Variants in ARFIP1 observed in about 807,000 individuals in gnomAD.
ARFIP1 encodes ARF interacting protein 1.
ARFIP1 carries 24 observed loss-of-function variants against 42.5 expected under a neutral mutation model. The ratio of observed to expected loss-of-function variants is 0.57; its 90% CI spans 0.41 to 0.80. The LOEUF is 0.80. ARFIP1 is among the 30% of genes least tolerant of loss of function. The probability of loss-of-function intolerance (pLI) is 0.00; values close to 1 mark genes in which losing one functional copy is unlikely to be tolerated. For synonymous variants in ARFIP1, 141 were observed against 153.7 expected (o/e 0.92, Z 0.61); for missense variants, 354 against 434.0 (o/e 0.82, Z 1.64).
rs1286519480 is a variant in ARFIP1 at position 152,813,636 on chromosome 4, A to G, written c.-9-15989A>G. Reference sequence around the variant, plus strand: ...CCTGAAATTTTGTAGTCCACTTACAAGTAATAATGCACTGCTTCACTTGAA... The same window carrying G: ...CCTGAAATTTTGTAGTCCACTTACAGGTAATAATGCACTGCTTCACTTGAA... On this transcript the variant is annotated intron_variant, in intron 1 of 8. Transcript: ENST00000353617. Among the ~76,000 whole-genome samples, 9 of 152,336 alleles carry G rather than the reference A, an allele frequency of 5.9e-5. No homozygotes were observed. The East Asian group carries it at 1.7e-3, about 29-fold the overall frequency.
Position 152,908,609 on chromosome 4 carries a change from C to CA in ARFIP1, c.967-1446dup, listed in dbSNP as rs988445950. Among the ~76,000 whole-genome samples the CA allele has an allele frequency of 5.4e-5, 8 of 149,278 alleles. No individual in the cohort carries two copies. The East Asian group carries it at 9.7e-4, about 18-fold the overall frequency. The stretch of plus-strand genomic sequence containing the variant: ...TGGCAACAGAAGCAAAACTCCATCT[C>CA]AAAAAAAAAGAAAAGAAATTCTAAA... On this transcript the variant is annotated intron_variant, in intron 8 of 8. Coordinates refer to ENST00000353617, the MANE Select transcript of ARFIP1 (RefSeq NM_001025595.3).
intron 1 of ARFIP1, among the ~76,000 whole-genome samples, chr4:152,815,738 CTTTTTTTTTTT>C (rs1218298842): frequency 2.3e-5 from 2 of 85,548 alleles, no homozygotes; most frequent in African/African-American, 4.4e-5. Context: ...CTGACCACTT[CTTTTTTTTTTT>C]TTTTTTTTTT....
At chr4:152,827,104 G>A (rs555273756) in intron 1 of ARFIP1, among the ~76,000 whole-genome samples, 1 of 152,252 alleles carries the variant, frequency 6.6e-6, no homozygotes, top group South Asian at 2.1e-4. Context: ...GCATAACAAT[G>A]TGAATATACT....
rs190187579 is a variant in ARFIP1, at chr4:152,845,620, G to T, written c.93+15894G>T. Among the ~76,000 whole-genome samples the T allele has an allele frequency of 7.0e-4, 107 of 152,264 alleles. 1 individual carries two copies. Among genetic ancestry groups the T allele is most frequent in the African/African-American group, 2.5e-3 (105 of 41,564 alleles). On this transcript the variant is annotated intron_variant, in intron 2 of 8. Coordinates refer to ENST00000353617, the MANE Select transcript of ARFIP1 (RefSeq NM_001025595.3). ...AAAAAATGCTCATCACTAATCATCAGAGAAATGCAAATCAAAACCACAATG... is the reference window on the plus strand; with the variant it reads ...AAAAAATGCTCATCACTAATCATCATAGAAATGCAAATCAAAACCACAATG...
intron 8 of ARFIP1, among the ~76,000 whole-genome samples, chr4:152,906,463 G>C (rs1413739657): frequency 1.3e-5 from 2 of 152,042 alleles, no homozygotes; most frequent in Admixed American, 1.3e-4. Flanking sequence ...CTCTTTCTCT[G>C]TCACCTCCCA....
intron 2 of ARFIP1, among the ~76,000 whole-genome samples, chr4:152,833,333 G>C (rs1731397490): frequency 6.6e-6 from 1 of 151,772 alleles, no homozygotes; most frequent in Admixed American, 6.6e-5. Context: ...CAAAACCTCA[G>C]TGAGATATCA....
chr4:152,903,926 ACT>A (rs1274575893), intron 8 of ARFIP1, among the ~76,000 whole-genome samples: 1 of 151,560 alleles, frequency 6.6e-6, no homozygotes, highest in Non-Finnish European at 1.5e-5. Flanking sequence ...TTTCTTTCTG[ACT>A]CTCTAACTTT....
intron 2 of ARFIP1, among the ~76,000 whole-genome samples, chr4:152,860,006 A>G (rs1042894886): frequency 3.9e-5 from 6 of 152,072 alleles, no homozygotes; most frequent in Non-Finnish European, 8.8e-5. Flanking sequence ...ATCCTAAGTA[A>G]TATGAAAATA....
At chr4:152,830,654 T>C (rs1731183206) in intron 2 of ARFIP1, among the ~76,000 whole-genome samples, 1 of 152,182 alleles carries the variant, frequency 6.6e-6, no homozygotes, top group Admixed American at 6.5e-5. Flanking sequence ...CTTAGCACTG[T>C]TGACATTTTG....
intron 6 of ARFIP1, 115 bp downstream of exon 6, chr4:152,881,299 T>G: frequency 2.5e-6 from 2 of 815,778 alleles, no homozygotes; most frequent in Non-Finnish European, 3.8e-6. Flanking sequence ...AATTCTGAGA[T>G]TCTCTTTTAA....
At chr4:152,893,115 C>T (rs1352548416) in intron 8 of ARFIP1, among the ~76,000 whole-genome samples, 2 of 152,298 alleles carry the variant, frequency 1.3e-5, no homozygotes, top group African/African-American at 4.8e-5. Context: ...CTTTCTTTTA[C>T]AGCCCTCATA....
chr4:152,804,222 T>TATAAGATGTATTTATTATATATAAC (rs1331325771), intron 1 of ARFIP1, among the ~76,000 whole-genome samples: 1 of 48,138 alleles, frequency 2.1e-5, no homozygotes, highest in African/African-American at 5.8e-5. Context: ...TTATATATAA[T>TATAAGATGTATTTATTATATATAAC]ATAACATGTA....
intron 3 of ARFIP1, among the ~76,000 whole-genome samples, chr4:152,867,971 CAT>C (rs376879147): frequency 1.2e-4 from 18 of 152,048 alleles, no homozygotes; most frequent in African/African-American, 4.1e-4. Context: ...GAAAGAATAA[CAT>C]ACAATGGTTA....
intron 5 of ARFIP1, among the ~76,000 whole-genome samples, chr4:152,874,522 C>A (rs1190548545): frequency 2.0e-5 from 3 of 152,182 alleles, no homozygotes; most frequent in Non-Finnish European, 4.4e-5. Flanking sequence ...ATGGGGTCTG[C>A]ATGACTCTCT....
At chr4:152,853,972 G>A (rs1733214696) in intron 2 of ARFIP1, among the ~76,000 whole-genome samples, 1 of 147,774 alleles carries the variant, frequency 6.8e-6, no homozygotes, top group South Asian at 2.2e-4. Context: ...GTGCAGTGGG[G>A]CACGATCTTG....
At chr4:152,886,378 G>T (rs1579008895) in intron 7 of ARFIP1, among the ~76,000 whole-genome samples, 1 of 151,814 alleles carries the variant, frequency 6.6e-6, no homozygotes, top group Non-Finnish European at 1.5e-5. Context: ...TTTCAATCCT[G>T]CCTGCCTGTC....
At chr4:152,785,818 TA>T (rs972751996) in intron 1 of ARFIP1, among the ~76,000 whole-genome samples, 7 of 152,288 alleles carry the variant, frequency 4.6e-5, no homozygotes, top group African/African-American at 1.7e-4. Context: ...TTAAGTTAGT[TA>T]AAATTAAATA....
intron 1 of ARFIP1, among the ~76,000 whole-genome samples, chr4:152,821,029 AGTCTGCTC>A (rs1730323534): frequency 6.6e-6 from 1 of 152,238 alleles, no homozygotes; most frequent in Admixed American, 6.5e-5. Flanking sequence ...TAGAAGAAAT[AGTCTGCTC>A]ACATGAGAAG....
intron 8 of ARFIP1, among the ~76,000 whole-genome samples, chr4:152,908,420 G>A (rs988301172): frequency 1.3e-5 from 2 of 152,116 alleles, no homozygotes; most frequent in African/African-American, 4.8e-5. Context: ...GACGGTCTTG[G>A]CCAACATGGT....
Sources: gnomAD v4.1 joint callset for allele counts (sites outside exome capture counted in the v4.1 genomes callset) on GRCh38, gnomAD v4.1.1 for gene constraint, MANE v1.5 for transcripts, NCBI Gene and HGNC (gene_info 2026-07-23, HGNC 2026-07-21) for gene names.